Variants in ZHX2 observed in about 807,000 individuals in gnomAD.
ZHX2 encodes zinc fingers and homeoboxes protein 2.
A neutral mutation model predicts 21.9 loss-of-function variants in ZHX2; 6 were observed. That is an observed-to-expected ratio of 0.27 (90% CI 0.15 to 0.54). ZHX2 has a LOEUF of 0.54. Among genes scored for constraint, ZHX2 ranks in the 20% least tolerant of loss-of-function variants. ZHX2 has a pLI of 0.95. For synonymous variants in ZHX2, 434 were observed against 437.1 expected, an observed-to-expected ratio of 0.99 and a Z score of 0.09; for missense variants, 908 against 1,090.7, an observed-to-expected ratio of 0.83 and a Z score of 2.36.
chr8:122,818,638 A>C (rs764783661), intron 1 of ZHX2, among the ~76,000 whole-genome samples: 4 of 152,210 alleles, frequency 2.6e-5, no homozygotes, highest in Non-Finnish European at 4.4e-5. Flanking sequence ...TCTCTCACAC[A>C]GGCACAAAAC....
rs189849363 is a variant in ZHX2 at position 122,939,843 on chromosome 8, C to T, written c.-219-11449C>T. 1.4e-4 allele frequency among the ~76,000 whole-genome samples: 21 copies of T among 152,274 alleles called. No individual in the cohort carries two copies. The East Asian group carries it at 1.5e-3, about 11-fold the overall frequency. On this transcript the variant is annotated intron_variant, in intron 2 of 3. Coordinates refer to ENST00000314393, the MANE Select transcript of ZHX2 (RefSeq NM_014943.5). The stretch of plus-strand genomic sequence containing the variant: ...GATACAGTGCCTGGCCACTGAAAGG[C>T]GCTGTAGAGGAAAACGGGGTCTGAT...
chr8:122,893,138 G>A (rs559865652), intron 2 of ZHX2, among the ~76,000 whole-genome samples: 21 of 152,108 alleles, frequency 1.4e-4, no homozygotes, highest in African/African-American at 4.8e-4. Flanking sequence ...TTTTCTTTCA[G>A]CACTTTGATT....
chr8:122,932,892 G>T (rs907301817), intron 2 of ZHX2, among the ~76,000 whole-genome samples: 6 of 152,126 alleles, frequency 3.9e-5, no homozygotes, highest in African/African-American at 1.4e-4. Flanking sequence ...CAGCCTCTCG[G>T]TGTGGTTTGA....
rs190869983 is a variant in ZHX2 at position 122,954,059 on chromosome 8, G to C, written c.*4+31G>C. ...TCCACCTGCTCACCCAGGCAGCAGG[G>C]GAGAACGCAGCTTGCTTTCTTTTCG... On this transcript the variant is annotated intron_variant, in intron 3 of 3. Transcript: ENST00000314393. The C allele has an allele frequency of 1.8e-3, 2,746 of 1,527,620 alleles. 3 individuals carry two copies. The highest frequency in any genetic ancestry group is 2.1e-3 in the Non-Finnish European group (2,431 of 1,136,978). 94.6% of individuals were successfully genotyped at this position (1,527,620 alleles called of 1,614,324 possible).
At chr8:122,891,158 T>C (rs1051413686) in intron 2 of ZHX2, among the ~76,000 whole-genome samples, 2 of 152,136 alleles carry the variant, frequency 1.3e-5, no homozygotes, top group African/African-American at 4.8e-5. Context: ...AATTCAGCAA[T>C]GAAACCATTG....
chr8:122,884,172 A>G (rs1332935676), intron 2 of ZHX2, among the ~76,000 whole-genome samples: 1 of 152,236 alleles, frequency 6.6e-6, no homozygotes, highest in Non-Finnish European at 1.5e-5. Context: ...ATATTTTAAA[A>G]GTACAGTCAA....
At chr8:122,874,496 G>A (rs983123412) in intron 2 of ZHX2, among the ~76,000 whole-genome samples, 8 of 139,780 alleles carry the variant, frequency 5.7e-5, no homozygotes, top group African/African-American at 2.0e-4. Flanking sequence ...ACCACGCCCA[G>A]CTAATTTTGT....
At chr8:122,886,550 G>C (rs752059318) in intron 2 of ZHX2, among the ~76,000 whole-genome samples, 4 of 152,040 alleles carry the variant, frequency 2.6e-5, no homozygotes, top group Non-Finnish European at 5.9e-5. Flanking sequence ...TCATAATAAA[G>C]GAAACCAGGA....
chr8:122,819,728 G>C (rs553468328), intron 1 of ZHX2, among the ~76,000 whole-genome samples: 4 of 152,240 alleles, frequency 2.6e-5, no homozygotes, highest in African/African-American at 7.2e-5. Flanking sequence ...CAAAGTTGAC[G>C]AGAGCCCAGA....
rs551665510 is a variant in ZHX2, at chr8:122,853,725, G to A, written c.-282-9752G>A. Among the ~76,000 whole-genome samples the A allele has an allele frequency of 7.2e-5, 11 of 151,940 alleles. No homozygotes were observed. The East Asian group carries it at 1.6e-3, about 22-fold the overall frequency. ...TTCTTCATGGACGAGGACAAACACCGCCTTCTCCATGCAACCTCCTCCCAC... is the reference window on the plus strand; with the variant it reads ...TTCTTCATGGACGAGGACAAACACCACCTTCTCCATGCAACCTCCTCCCAC... On this transcript the variant is annotated intron_variant, in intron 1 of 3. Coordinates refer to ENST00000314393, the MANE Select transcript of ZHX2 (RefSeq NM_014943.5).
At chr8:122,796,276 G>A (rs915851425) in intron 1 of ZHX2, among the ~76,000 whole-genome samples, 3 of 152,096 alleles carry the variant, frequency 2.0e-5, no homozygotes, top group African/African-American at 2.4e-5. Flanking sequence ...ACCACACAAC[G>A]GGAACTAGTA....
At chr8:122,881,819 G>C (rs548255662) in intron 2 of ZHX2, among the ~76,000 whole-genome samples, 5 of 152,234 alleles carry the variant, frequency 3.3e-5, no homozygotes, top group Admixed American at 1.3e-4. Context: ...AGGGGCTTCT[G>C]TTCCATCCCT....
chr8:122,869,924 G>A (rs1819391153), intron 2 of ZHX2, among the ~76,000 whole-genome samples: 1 of 152,200 alleles, frequency 6.6e-6, no homozygotes, highest in South Asian at 2.1e-4. Flanking sequence ...CAGAGTAAAA[G>A]TGTTAGTAAA....
In ZHX2 at chr8:122,952,066, A is replaced by G; in HGVS notation, c.556A>G (p.Ile186Val). 1 of 1,613,144 alleles carries G rather than the reference A, an allele frequency of 6.2e-7. No individual in the cohort carries two copies. The highest frequency in any genetic ancestry group is 1.7e-5 in the Admixed American group (1 of 59,944). Residue 186 changes from isoleucine (I) to valine (V), a missense_variant, in exon 3 of 4, where the codon ATC (isoleucine) becomes GTC (valine). Physicochemically the swap from Ile to Val is conservative, Grantham distance 29 (BLOSUM62 3). Transcript: ENST00000314393. This position sits in a 1 kb window ranked among gnomAD's most constrained non-coding sequence, Gnocchi z 6.9. ...TGGGATCTCGGTGAGTAAAACCCCC[A>G]TCATGAAGCCTGGAAAACCAAAAGC... ...DSGISVSKTP[I>V]MKPGKPKADA...
Position 122,947,845 on chromosome 8 carries a change from A to G in ZHX2, c.-219-3447A>G, listed in dbSNP as rs796622002. Among the ~76,000 whole-genome samples the G allele has an allele frequency of 1.3e-4, 19 of 150,590 alleles. 1 individual carries two copies. Among genetic ancestry groups the G allele is most frequent in the African/African-American group, 4.6e-4 (19 of 40,954 alleles). ...AGGGGAGCCGGGGCCGGAGCCTGCC[A>G]GGTCTTGGTGGTGCCATTGCTGGAG... On this transcript the variant is annotated intron_variant, in intron 2 of 3. Coordinates refer to ENST00000314393, the MANE Select transcript of ZHX2 (RefSeq NM_014943.5).
intron 1 of ZHX2, among the ~76,000 whole-genome samples, chr8:122,854,562 A>G (rs1040141219): frequency 4.0e-5 from 6 of 151,784 alleles, no homozygotes; most frequent in African/African-American, 1.5e-4. Flanking sequence ...CCCTCCTTCC[A>G]CCCTGACTGT....
chr8:122,864,118 G>A (rs1819232578), intron 2 of ZHX2, among the ~76,000 whole-genome samples: 1 of 150,554 alleles, frequency 6.6e-6, no homozygotes, highest in African/African-American at 2.4e-5. Context: ...TTCAAGCAGA[G>A]GTTGGAGAAA....
chr8:122,967,632 C>T (rs1813615942), intron 3 of ZHX2, among the ~76,000 whole-genome samples: 1 of 152,182 alleles, frequency 6.6e-6, no homozygotes, highest in South Asian at 2.1e-4. Context: ...CTGGTTACAC[C>T]AGCAGTAAAA....
chr8:122,935,108 C>T (rs183109167), intron 2 of ZHX2, among the ~76,000 whole-genome samples: 1 of 151,674 alleles, frequency 6.6e-6, no homozygotes, highest in South Asian at 2.1e-4. Flanking sequence ...AAAATTTCTT[C>T]TAATATTTGA....
Sources: gnomAD v4.1 joint callset for allele counts (sites outside exome capture counted in the v4.1 genomes callset) on GRCh38, gnomAD v4.1.1 for gene constraint, Gnocchi (gnomAD v3.1) non-coding constraint, MANE v1.5 for transcripts, NCBI Gene and HGNC (gene_info 2026-07-23, HGNC 2026-07-21) for gene names.